Variants in PLEKHA8 observed in about 807,000 individuals in gnomAD.
PLEKHA8 encodes pleckstrin homology domain-containing family A member 8.
A neutral mutation model predicts 68.2 loss-of-function variants in PLEKHA8; 36 were observed. The observed-to-expected ratio is 0.53, with a 90% confidence interval of 0.40 to 0.70. The LOEUF (loss-of-function observed/expected upper bound fraction) is 0.70, where lower values mean the gene tolerates loss of function less well. PLEKHA8 is among the 30% of genes least tolerant of loss of function. The pLI is 0.00. For missense variants in PLEKHA8, 505 were observed against 615.4 expected (o/e 0.82, Z 1.90); for synonymous variants, 211 against 216.1 (o/e 0.98, Z 0.20).
intron 13 of PLEKHA8, among the ~76,000 whole-genome samples, chr7:30,119,394 T>C (rs1270610008): frequency 6.6e-6 from 1 of 152,178 alleles, no homozygotes; most frequent in Non-Finnish European, 1.5e-5. Flanking sequence ...AGCTCAGATC[T>C]AAACCCAGAC....
downstream of PLEKHA8, among the ~76,000 whole-genome samples, chr7:30,087,798 C>G (rs1317109655): frequency 1.3e-5 from 2 of 152,230 alleles, no homozygotes; most frequent in Non-Finnish European, 1.5e-5. Context: ...TTCCCAGACT[C>G]AACACATCTC....
intron 13 of PLEKHA8, among the ~76,000 whole-genome samples, chr7:30,076,141 T>C (rs1036855992): frequency 6.6e-6 from 1 of 152,072 alleles, no homozygotes; most frequent in South Asian, 2.1e-4. Context: ...TATATGTATA[T>C]ACATTTTTTC....
At chr7:30,120,057 C>T (rs1796669863) in intron 13 of PLEKHA8, among the ~76,000 whole-genome samples, 1 of 151,196 alleles carries the variant, frequency 6.6e-6, no homozygotes, top group African/African-American at 2.4e-5. Flanking sequence ...CTTCTCTGTG[C>T]TATCAAAAAG....
chr7:30,121,077 C>T (rs1039048223), intron 13 of PLEKHA8, among the ~76,000 whole-genome samples: 10 of 152,064 alleles, frequency 6.6e-5, no homozygotes, highest in South Asian at 2.1e-4. Context: ...AATGGCCCAA[C>T]GATAGAACCA....
downstream of PLEKHA8, among the ~76,000 whole-genome samples, chr7:30,087,621 C>T (rs1277596485): frequency 6.6e-6 from 1 of 152,208 alleles, no homozygotes; most frequent in Non-Finnish European, 1.5e-5. Flanking sequence ...CTCCAAACTC[C>T]CAGTGCTGTG....
chr7:30,034,197 A>G (rs1194892587), intron 1 of PLEKHA8, among the ~76,000 whole-genome samples: 1 of 150,842 alleles, frequency 6.6e-6, no homozygotes, highest in Non-Finnish European at 1.5e-5. Context: ...TTTAGTAGAG[A>G]TGGGGTTTCA....
downstream of PLEKHA8, among the ~76,000 whole-genome samples, chr7:30,089,297 T>C (rs932728449): frequency 3.3e-5 from 5 of 152,138 alleles, no homozygotes; most frequent in Admixed American, 6.5e-5. Flanking sequence ...AAGTGTCTCA[T>C]GCTGTTCTGG....
chr7:30,090,229 C>A, exon 13 of PLEKHA8: 1 of 1,539,670 alleles, frequency 6.5e-7, no homozygotes, highest in Non-Finnish European at 8.8e-7. Context: ...AGAAAGAATT[C>A]CTCACCATTC....
chr7:30,048,564 A>G (rs779774475), intron 4 of PLEKHA8, among the ~76,000 whole-genome samples: 3 of 152,218 alleles, frequency 2.0e-5, no homozygotes, highest in Non-Finnish European at 2.9e-5. Flanking sequence ...TTTAAAACAT[A>G]TATTAAAAGA....
At chr7:30,118,674 T>G (rs1197674415) in intron 13 of PLEKHA8, among the ~76,000 whole-genome samples, 15 of 150,912 alleles carry the variant, frequency 9.9e-5, no homozygotes, top group Non-Finnish European at 2.9e-5. Flanking sequence ...GCCTGCCGGG[T>G]TCATGCCATT....
In PLEKHA8 at chr7:30,028,418, C is replaced by T. The variant is rs1169974376; in HGVS notation, c.-345C>T. ...GCGAGTCGAGGGTTCAGGTGGTGCG[C>T]CGTGGCGCCGCCTGCGACCGGCAGC... On this transcript the variant is annotated 5_prime_UTR_variant, in exon 1 of 14. Coordinates refer to ENST00000449726, the MANE Select transcript of PLEKHA8 (RefSeq NM_001197026.2). The T allele has an allele frequency of 4.2e-6, 1 of 239,978 alleles. No individual in the cohort carries two copies. The allele number at this position is 239,978 out of a possible 1,614,324, so 14.9% of individuals were successfully genotyped here.
intron 4 of PLEKHA8, 125 bp from the exon 5 acceptor site, chr7:30,049,099 A>T: frequency 8.9e-7 from 1 of 1,126,020 alleles, no homozygotes; most frequent in Non-Finnish European, 1.3e-6. Context: ...TTTATAACTG[A>T]TGTACATATT....
Position 30,080,117 on chromosome 7 carries a change from C to T in PLEKHA8, c.*1330C>T, listed in dbSNP as rs539525595. ...AAAGTGCAGAGCAGGCAAAATGCAG[C>T]TGTTTATCAATCTCAAAAGCTTTGG... On this transcript the variant is annotated 3_prime_UTR_variant, in exon 14 of 14. Coordinates refer to ENST00000449726, the MANE Select transcript of PLEKHA8 (RefSeq NM_001197026.2). 1.0e-6 allele frequency: 1 copy of T among 985,330 alleles called. No individual in the cohort carries two copies. Among genetic ancestry groups the T allele is most frequent in the East Asian group, 1.1e-4 (1 of 8,800 alleles). 61.0% of individuals were successfully genotyped at this position (985,330 alleles called of 1,614,324 possible).
In PLEKHA8 at chr7:30,035,144, T is replaced by C. The variant is rs543286130; in HGVS notation, c.40+6342T>C. On this transcript the variant is annotated intron_variant, in intron 1 of 13. Transcript: ENST00000449726. The stretch of plus-strand genomic sequence containing the variant: ...AGCCAGCATTGCACCAATTCTTAAG[T>C]GTAAAAGGTTGGAGTCAGAGAGCCC... Among the ~76,000 whole-genome samples, 403 of 152,266 alleles carry C rather than the reference T, an allele frequency of 2.6e-3. 2 individuals are homozygous for C. Among genetic ancestry groups the C allele is most frequent in the African/African-American group, 9.5e-3 (393 of 41,528 alleles).
At chr7:30,096,341 A>G (rs947823525) in intron 13 of PLEKHA8, among the ~76,000 whole-genome samples, 4 of 152,214 alleles carry the variant, frequency 2.6e-5, no homozygotes, top group African/African-American at 9.6e-5. Context: ...TTATTGATGT[A>G]TAAGAATGCT....
rs2128000390 is a variant in PLEKHA8, at chr7:30,081,769, T to G, written c.*2982T>G. On this transcript the variant is annotated 3_prime_UTR_variant, in exon 14 of 14. Transcript: ENST00000449726. Reference sequence around the variant, plus strand: ...TATTGTAGACACAAATAAGTAACATTAGGCTAACCCCTTATGAGACATTTC... The same window carrying G: ...TATTGTAGACACAAATAAGTAACATGAGGCTAACCCCTTATGAGACATTTC... 1 of 985,332 alleles carries G rather than the reference T, an allele frequency of 1.0e-6. No individual in the cohort carries two copies. Among genetic ancestry groups the G allele is most frequent in the South Asian group, 4.7e-5 (1 of 21,284 alleles). The allele number at this position is 985,332 out of a possible 1,614,324, so 61.0% of individuals were successfully genotyped here. A position where few individuals can be genotyped will look rare whatever the true frequency, so the allele number is the denominator to read the frequency against.
intron 1 of PLEKHA8, among the ~76,000 whole-genome samples, chr7:30,037,794 T>G (rs1053277290): frequency 1.3e-5 from 2 of 152,144 alleles, no homozygotes; most frequent in African/African-American, 4.8e-5. Context: ...TGGATTTTTT[T>G]TCTTTTAGTC....
At chr7:30,092,016 C>T (rs1256125219), downstream of PLEKHA8, among the ~76,000 whole-genome samples, 2 of 152,150 alleles carry the variant, frequency 1.3e-5, no homozygotes, top group African/African-American at 2.4e-5. Context: ...GCCCTGTATT[C>T]TCTTGTGGCA....
At chr7:30,078,537 AAG>A (rs1794752422) in intron 13 of PLEKHA8, 51 bp from the exon 14 acceptor site, 2 of 1,583,714 alleles carry the variant, frequency 1.3e-6, no homozygotes, top group Non-Finnish European at 1.7e-6. Context: ...GCATAAAAAT[AAG>A]AGTGTGAGAG....
Sources: allele counts gnomAD v4.1 joint callset (sites outside exome capture counted in the v4.1 genomes callset), GRCh38; gene constraint gnomAD v4.1.1; transcripts MANE v1.5; gene names NCBI Gene and HGNC (gene_info 2026-07-23, HGNC 2026-07-21).